SLC35F4: variants seen among roughly 807,000 people sequenced by gnomAD.
SLC35F4 encodes the protein chromosome 14 open reading frame 36.
A neutral mutation model predicts 44.2 loss-of-function variants in SLC35F4; 24 were observed. That is an observed-to-expected ratio of 0.54 (90% CI 0.39 to 0.76). The LOEUF (loss-of-function observed/expected upper bound fraction) is 0.76, where lower values mean the gene tolerates loss of function less well. Among genes scored for constraint, SLC35F4 ranks in the 30% least tolerant of loss-of-function variants. The pLI is 0.00. For missense variants in SLC35F4, 562 were observed against 586.1 expected, an observed-to-expected ratio of 0.96 and a Z score of 0.42; for synonymous variants, 238 against 223.6, an observed-to-expected ratio of 1.06 and a Z score of -0.57.
At chr14:57,920,924 T>C (rs189700890) in intron 1 of SLC35F4, among the ~76,000 whole-genome samples, 15 of 152,336 alleles carry the variant, frequency 9.8e-5, no homozygotes, top group African/African-American at 2.6e-4. Context: ...ATTTTAAAAA[T>C]GGCTTTTTAT....
chr14:57,582,409 C>G (rs1016677958), intron 3 of SLC35F4, among the ~76,000 whole-genome samples: 1 of 152,108 alleles, frequency 6.6e-6, no homozygotes, highest in Admixed American at 6.5e-5. Context: ...ACTCTGTTGC[C>G]TAGGCTGGTC....
At chr14:57,854,553 G>A (rs369459034) in intron 1 of SLC35F4, among the ~76,000 whole-genome samples, 4 of 151,942 alleles carry the variant, frequency 2.6e-5, no homozygotes, top group African/African-American at 9.7e-5. Context: ...CCACCTGTTT[G>A]CCCTCACTAT....
intron 1 of SLC35F4, among the ~76,000 whole-genome samples, chr14:57,929,022 TA>T (rs1889639029): frequency 6.6e-6 from 1 of 152,054 alleles, no homozygotes; most frequent in Non-Finnish European, 1.5e-5. Context: ...AACAGACTGT[TA>T]AAAAAATGAA....
intron 1 of SLC35F4, among the ~76,000 whole-genome samples, chr14:57,937,532 A>G (rs1889820016): frequency 6.6e-6 from 1 of 151,510 alleles, no homozygotes; most frequent in Non-Finnish European, 1.5e-5. Flanking sequence ...AAATTACAAT[A>G]ATGATGGTCA....
chr14:57,665,041 C>T (rs1566740446), intron 1 of SLC35F4, among the ~76,000 whole-genome samples: 1 of 152,216 alleles, frequency 6.6e-6, no homozygotes, highest in Non-Finnish European at 1.5e-5. Flanking sequence ...CAGAGTGGGG[C>T]TGAACCATTC....
intron 1 of SLC35F4, among the ~76,000 whole-genome samples, chr14:57,827,684 T>A (rs1179981696): frequency 3.3e-5 from 5 of 151,022 alleles, no homozygotes; most frequent in African/African-American, 7.3e-5. Flanking sequence ...AAATTAAGAG[T>A]TATATATGAA....
At chr14:57,661,094 C>T (rs747377743) in intron 1 of SLC35F4, among the ~76,000 whole-genome samples, 4 of 152,136 alleles carry the variant, frequency 2.6e-5, no homozygotes, top group East Asian at 1.9e-4. Context: ...TGTGACCATG[C>T]GAATCGAGTT....
intron 1 of SLC35F4, among the ~76,000 whole-genome samples, chr14:57,964,991 A>AAAATATATATATATATAT (rs1555331532): frequency 8.6e-6 from 1 of 115,696 alleles, no homozygotes; most frequent in African/African-American, 3.7e-5. Context: ...AAAAAAAAAA[A>AAAATATATATATATATAT]ATATATATAT....
intron 1 of SLC35F4, among the ~76,000 whole-genome samples, chr14:57,642,809 T>C (rs1200126898): frequency 1.3e-5 from 2 of 151,998 alleles, no homozygotes; most frequent in Non-Finnish European, 2.9e-5. Context: ...TTCAGATTTT[T>C]ACCAACTAAA....
chr14:57,900,977 C>T (rs556803092), intron 1 of SLC35F4, among the ~76,000 whole-genome samples: 1 of 152,236 alleles, frequency 6.6e-6, no homozygotes, highest in East Asian at 1.9e-4. Context: ...AATGACATAC[C>T]ATCTCACGCC....
rs115630817 is a variant in SLC35F4 at position 57,815,199 on chromosome 14, A to T, written c.103+50524T>A. ...AACACCAAAAGTCACGGATACCAAC[A>T]TCTCAGTGACAATTTAAACCAATAT... is the stretch of plus-strand genomic sequence containing the variant. On this transcript the variant is annotated intron_variant, in intron 1 of 7. Transcript: ENST00000556826. Among the ~76,000 whole-genome samples the T allele has an allele frequency of 6.0e-3, 921 of 152,326 alleles. 7 individuals carry two copies. Among genetic ancestry groups the T allele is most frequent in the African/African-American group, 0.021 (868 of 41,568 alleles).
intron 1 of SLC35F4, among the ~76,000 whole-genome samples, chr14:57,857,651 G>A (rs901210682): frequency 6.6e-6 from 1 of 152,080 alleles, no homozygotes; most frequent in Non-Finnish European, 1.5e-5. Context: ...CTCTATGGGT[G>A]AGATAGTTTT....
Position 57,761,032 on chromosome 14 carries a change from G to T in SLC35F4, c.103+104691C>A, listed in dbSNP as rs185596043. 7.2e-5 allele frequency among the ~76,000 whole-genome samples: 11 copies of T among 152,092 alleles called. No individual in the cohort carries two copies. In the East Asian group the frequency reaches 2.1e-3, roughly 29 times the overall value. ...CTTAGCTCTATCTCTTCACCTCAGG[G>T]AATCAGACTCTGTGTGAGTCCCCTC... On this transcript the variant is annotated intron_variant, in intron 1 of 7. Coordinates refer to ENST00000556826, the MANE Select transcript of SLC35F4 (RefSeq NM_001306087.2).
chr14:57,850,979 T>C (rs1014790692), intron 1 of SLC35F4, among the ~76,000 whole-genome samples: 10 of 152,196 alleles, frequency 6.6e-5, no homozygotes, highest in Admixed American at 2.6e-4. Context: ...TCTTGAAACA[T>C]GTCCACCCTC....
chr14:57,670,357 T>C (rs1467005179), intron 1 of SLC35F4, among the ~76,000 whole-genome samples: 1 of 152,118 alleles, frequency 6.6e-6, no homozygotes, highest in Non-Finnish European at 1.5e-5. Flanking sequence ...CTTAAGTTAT[T>C]TCTTGCCTTC....
intron 1 of SLC35F4, among the ~76,000 whole-genome samples, chr14:57,605,082 G>T (rs954452527): frequency 6.6e-6 from 1 of 151,384 alleles, no homozygotes; most frequent in African/African-American, 2.4e-5. Context: ...AAAAGCAATT[G>T]AAAACAAAAA....
chr14:57,775,583 A>G (rs2077469177), intron 1 of SLC35F4, among the ~76,000 whole-genome samples: 2 of 152,208 alleles, frequency 1.3e-5, no homozygotes. Flanking sequence ...CAGTCAACTG[A>G]ACCCATCTTA....
At chr14:57,785,392 G>A (rs941907794) in intron 1 of SLC35F4, among the ~76,000 whole-genome samples, 1 of 152,210 alleles carries the variant, frequency 6.6e-6, no homozygotes, top group African/African-American at 2.4e-5. Flanking sequence ...TGAGACAGTA[G>A]TACATAAATT....
chr14:57,660,851 G>T (rs79755184), intron 1 of SLC35F4, among the ~76,000 whole-genome samples: 1 of 152,182 alleles, frequency 6.6e-6, no homozygotes, highest in South Asian at 2.1e-4. Context: ...GACCTGGGGC[G>T]AGAAACCCTC....
Sources: gnomAD v4.1 joint callset for allele counts (sites outside exome capture counted in the v4.1 genomes callset) on GRCh38, gnomAD v4.1.1 for gene constraint, MANE v1.5 for transcripts, NCBI Gene and HGNC (gene_info 2026-07-23, HGNC 2026-07-21) for gene names.